Variants in MYO1D observed in about 807,000 individuals in gnomAD.
The protein encoded by MYO1D is unconventional myosin-Id.
In MYO1D, 83 loss-of-function variants were observed where a neutral mutation model predicts 122.0. That is an observed-to-expected ratio of 0.68 (90% confidence interval 0.57 to 0.82). The LOEUF is 0.82. Ranked by LOEUF, MYO1D falls within the 40% of genes least tolerant of loss-of-function variation. The pLI, the probability that MYO1D is intolerant of heterozygous loss-of-function variation, is 0.00. For missense variants in MYO1D, 1,157 were observed against 1,269.5 expected, an observed-to-expected ratio of 0.91 and a Z score of 1.35; for synonymous variants, 464 against 446.9, an observed-to-expected ratio of 1.04 and a Z score of -0.48.
chr17:32,768,773 A>T (rs188042495), intron 6 of MYO1D, among the ~76,000 whole-genome samples: 1 of 152,248 alleles, frequency 6.6e-6, no homozygotes, highest in Admixed American at 6.5e-5. Flanking sequence ...TTGAATGAAA[A>T]TTTATATAAA....
At chr17:32,575,292 T>C (rs2087268817) in intron 21 of MYO1D, among the ~76,000 whole-genome samples, 3 of 152,240 alleles carry the variant, frequency 2.0e-5, no homozygotes, top group Admixed American at 1.3e-4. Context: ...TTGATTTACC[T>C]TGTCTGTATA....
At chr17:32,653,091 G>A (rs1369053507) in intron 19 of MYO1D, among the ~76,000 whole-genome samples, 3 of 151,368 alleles carry the variant, frequency 2.0e-5, no homozygotes, top group Non-Finnish European at 2.9e-5. Context: ...GCAGTGAGCC[G>A]AGATTGCACC....
chr17:32,722,799 G>A (rs1020984676), intron 14 of MYO1D, among the ~76,000 whole-genome samples: 7 of 152,006 alleles, frequency 4.6e-5, no homozygotes, highest in South Asian at 2.1e-4. Flanking sequence ...CTGGCATAGC[G>A]CTTCAAAAAC....
At chr17:32,517,580 C>T (rs934046613) in intron 21 of MYO1D, among the ~76,000 whole-genome samples, 2 of 152,174 alleles carry the variant, frequency 1.3e-5, no homozygotes, top group East Asian at 3.9e-4. Flanking sequence ...CTGTGGACCC[C>T]TGAATGTCGC....
chr17:32,772,311 C>T (rs12602613), intron 5 of MYO1D, among the ~76,000 whole-genome samples: 72,094 of 151,876 alleles, frequency 0.47, 17,397 homozygotes, highest in East Asian at 0.73. Context: ...AAAAGGCAAT[C>T]CTCCCTAGAA....
At chr17:32,530,202 T>C (rs1156460327) in intron 21 of MYO1D, among the ~76,000 whole-genome samples, 1 of 152,256 alleles carries the variant, frequency 6.6e-6, no homozygotes, top group Non-Finnish European at 1.5e-5. Context: ...ACTCTGTCTG[T>C]GGTCTTGGGA....
At chr17:32,750,986 A>C (rs1173797119) in intron 11 of MYO1D, among the ~76,000 whole-genome samples, 1 of 152,204 alleles carries the variant, frequency 6.6e-6, no homozygotes, top group East Asian at 1.9e-4. Context: ...AAAGGACCCA[A>C]GAGATGTCTA....
chr17:32,583,174 G>A (rs940086545), intron 21 of MYO1D, among the ~76,000 whole-genome samples: 5 of 152,018 alleles, frequency 3.3e-5, no homozygotes, highest in African/African-American at 9.7e-5. Context: ...AGGTAGAGGG[G>A]GTTTTCCTTC....
intron 20 of MYO1D, among the ~76,000 whole-genome samples, chr17:32,635,013 G>C (rs1466193982): frequency 6.6e-6 from 1 of 152,184 alleles, no homozygotes; most frequent in Non-Finnish European, 1.5e-5. Flanking sequence ...GAAAAAGTAA[G>C]GAAAGACTAT....
chr17:32,604,557 C>T (rs1430728540), intron 21 of MYO1D, among the ~76,000 whole-genome samples: 2 of 152,142 alleles, frequency 1.3e-5, no homozygotes, highest in African/African-American at 2.4e-5. Flanking sequence ...CATTGTTCAC[C>T]CCCCTGCCCC....
intron 3 of MYO1D, 110 bp downstream of exon 3, chr17:32,778,370 C>A: frequency 2.2e-6 from 2 of 902,974 alleles, no homozygotes; most frequent in South Asian, 1.7e-5. Flanking sequence ...AAATGCTCAG[C>A]CCATAGGTTT....
At chr17:32,632,057 G>A (rs991338557) in intron 20 of MYO1D, among the ~76,000 whole-genome samples, 2 of 151,688 alleles carry the variant, frequency 1.3e-5, no homozygotes, top group African/African-American at 4.8e-5. Context: ...AACTAAAGTA[G>A]AAAATATATT....
intron 16 of MYO1D, among the ~76,000 whole-genome samples, chr17:32,691,275 A>G (rs2089094273): frequency 6.7e-6 from 1 of 148,688 alleles, no homozygotes. Flanking sequence ...AAAAAAAAAA[A>G]GAACTTATTT....
At chr17:32,804,187 C>T (rs2090486851) in intron 1 of MYO1D, among the ~76,000 whole-genome samples, 1 of 151,982 alleles carries the variant, frequency 6.6e-6, no homozygotes, top group South Asian at 2.1e-4. Flanking sequence ...CTTATAATGC[C>T]CAATACTATG....
chr17:32,818,479 A>G (rs2090633039), intron 1 of MYO1D, among the ~76,000 whole-genome samples: 1 of 152,102 alleles, frequency 6.6e-6, no homozygotes, highest in African/African-American at 2.4e-5. Flanking sequence ...CACATTCAAG[A>G]CCCATTCGGC....
intron 21 of MYO1D, among the ~76,000 whole-genome samples, chr17:32,549,018 T>C (rs1255601495): frequency 1.3e-5 from 2 of 152,148 alleles, no homozygotes; most frequent in Non-Finnish European, 2.9e-5. Context: ...TGGCCGACTT[T>C]TAATTATTTT....
chr17:32,603,708 G>C (rs1307715221), intron 21 of MYO1D, among the ~76,000 whole-genome samples: 1 of 151,714 alleles, frequency 6.6e-6, no homozygotes, highest in Non-Finnish European at 1.5e-5. Context: ...TGTATTTTTA[G>C]TAGAGACGGG....
At chr17:32,639,501 T>C (rs2088161519) in intron 19 of MYO1D, among the ~76,000 whole-genome samples, 1 of 151,878 alleles carries the variant, frequency 6.6e-6, no homozygotes, top group African/African-American at 2.4e-5. Context: ...CAGGATATTT[T>C]ATAAGTAGTT....
chr17:32,639,066 T>C (rs2088150274), intron 19 of MYO1D, among the ~76,000 whole-genome samples: 1 of 152,094 alleles, frequency 6.6e-6, no homozygotes, highest in Non-Finnish European at 1.5e-5. Context: ...GGACTAAACA[T>C]ATGTAACCCA....
Sources: allele counts gnomAD v4.1 joint callset (sites outside exome capture counted in the v4.1 genomes callset), GRCh38; gene constraint gnomAD v4.1.1; transcripts MANE v1.5; gene names NCBI Gene and HGNC (gene_info 2026-07-23, HGNC 2026-07-21).